TMC1: variants seen among roughly 807,000 people sequenced by gnomAD.
TMC1 encodes the protein transmembrane channel-like protein 1.
TMC1 carries 84 observed loss-of-function variants against 105.8 expected under a neutral mutation model. The ratio of observed to expected loss-of-function variants is 0.79; its 90% CI spans 0.67 to 0.95. The LOEUF (loss-of-function observed/expected upper bound fraction) is 0.95. Ranked by LOEUF, TMC1 falls within the 40% of genes least tolerant of loss-of-function variation. The pLI is 0.00. For synonymous variants in TMC1, 315 were observed against 311.5 expected (o/e 1.01, Z -0.12); for missense variants, 817 against 914.1 (o/e 0.89, Z 1.37).
rs766228632 is a variant in TMC1 at position 72,816,209 on chromosome 9, T to C, written c.1762T>C (p.Trp588Arg). ...TCTGATCTTCAACCAAGGCATGATCTGGTAGGCCAGCTGTTGGACAGCTTA... is the reference window on the plus strand; with the variant it reads ...TCTGATCTTCAACCAAGGCATGATCCGGTAGGCCAGCTGTTGGACAGCTTA... Reference protein sequence around the residue: ...LALIFNQGMIWMGSFFAPSLP... With the variant: ...LALIFNQGMIRMGSFFAPSLP... Residue 588 changes from tryptophan (W) to arginine (R), a missense_variant and splice_region_variant, in exon 19 of 24, where the codon TGG becomes CGG. Transcript: ENST00000297784. 2 of 1,613,494 alleles carry C rather than the reference T, an allele frequency of 1.2e-6. No homozygotes were observed. Among genetic ancestry groups the C allele is most frequent in the Non-Finnish European group, 1.7e-6 (2 of 1,179,456 alleles).
intron 1 of TMC1, among the ~76,000 whole-genome samples, chr9:72,547,977 C>T (rs1823800531): frequency 6.6e-6 from 1 of 152,164 alleles, no homozygotes; most frequent in Non-Finnish European, 1.5e-5. Flanking sequence ...CCTCACATGG[C>T]AGAGAGCAGA....
chr9:72,693,061 AG>A (rs1826492686), intron 6 of TMC1, among the ~76,000 whole-genome samples: 1 of 151,606 alleles, frequency 6.6e-6, no homozygotes, highest in African/African-American at 2.4e-5. Flanking sequence ...TGGAGGTTGC[AG>A]TGAGCCGAGA....
rs545207745 is a variant in TMC1 at position 72,725,688 on chromosome 9, A to T, written c.363-14431A>T. On this transcript the variant is annotated intron_variant, in intron 8 of 23. Coordinates refer to ENST00000297784, the MANE Select transcript of TMC1 (RefSeq NM_138691.3). The stretch of plus-strand genomic sequence containing the variant: ...TCCCCAGCCCACTGACTCAAATGTT[A>T]ATCTCTCTCTCTTTTTTTTTGAGAC... Among the ~76,000 whole-genome samples the T allele has an allele frequency of 4.6e-5, 7 of 151,614 alleles. No homozygotes were observed. In the East Asian group the frequency reaches 1.4e-3, roughly 30 times the overall value.
chr9:72,670,820 A>T (rs550638657), intron 5 of TMC1, among the ~76,000 whole-genome samples: 2 of 152,366 alleles, frequency 1.3e-5, no homozygotes, highest in Non-Finnish European at 2.9e-5. Flanking sequence ...ACATCAAAAC[A>T]TGTATGACAA....
chr9:72,547,315 A>G (rs545172600), intron 1 of TMC1, among the ~76,000 whole-genome samples: 1 of 151,302 alleles, frequency 6.6e-6, no homozygotes, highest in Non-Finnish European at 1.5e-5. Context: ...GGTTAAAAAG[A>G]TGAAATAAAA....
chr9:72,732,603 A>G (rs1425359317), intron 8 of TMC1, among the ~76,000 whole-genome samples: 1 of 151,962 alleles, frequency 6.6e-6, no homozygotes, highest in Non-Finnish European at 1.5e-5. Context: ...TTTGGATAAT[A>G]ACTAAAAGCA....
chr9:72,683,443 A>G (rs1269233055), intron 5 of TMC1, among the ~76,000 whole-genome samples: 2 of 151,894 alleles, frequency 1.3e-5, no homozygotes, highest in African/African-American at 4.8e-5. Flanking sequence ...CAACTGAATG[A>G]CCTTATACCT....
chr9:72,662,091 AT>A (rs1321348020), intron 5 of TMC1, among the ~76,000 whole-genome samples: 2 of 152,176 alleles, frequency 1.3e-5, no homozygotes, highest in East Asian at 3.8e-4. Flanking sequence ...ACTGGGTAAC[AT>A]TTAATAAGCA....
intron 2 of TMC1, among the ~76,000 whole-genome samples, chr9:72,596,539 TAAAAA>T (rs35140344): frequency 1.4e-4 from 14 of 102,270 alleles, no homozygotes; most frequent in Admixed American, 7.5e-4. Flanking sequence ...GTTTCAATTG[TAAAAA>T]AAAAAAAAAA....
intron 2 of TMC1, among the ~76,000 whole-genome samples, chr9:72,613,478 T>C (rs760718824): frequency 1.3e-5 from 2 of 152,168 alleles, no homozygotes; most frequent in Non-Finnish European, 1.5e-5. Context: ...TCGTTAGTCA[T>C]ATTAATCCTC....
rs772213890 is a variant in TMC1, at chr9:72,772,550, C to G, written c.879C>G (p.Leu293=). 1.9e-6 allele frequency: 3 copies of G among 1,613,750 alleles called. No individual in the cohort carries two copies. Among genetic ancestry groups the G allele is most frequent in the Non-Finnish European group, 2.5e-6 (3 of 1,179,750 alleles). Reference sequence around the variant, plus strand: ...TTGGATACAGCTTTCTGGTTGTCCTCAAAGCGTAAGTTTCATTTGTCTTTT... The same window carrying G: ...TTGGATACAGCTTTCTGGTTGTCCTGAAAGCGTAAGTTTCATTTGTCTTTT... ...MCIGYSFLVV[L]KAMTKNIGDD... Residue 293 remains leucine (L), a synonymous_variant, in exon 13 of 24, where the codon CTC becomes CTG. Transcript: ENST00000297784.
chr9:72,528,599 G>C (rs1823446174), intron 1 of TMC1, among the ~76,000 whole-genome samples: 2 of 152,078 alleles, frequency 1.3e-5, no homozygotes, highest in South Asian at 4.1e-4. Context: ...CTCCCAAAGT[G>C]CTAGGGTTAC....
At chr9:72,614,767 G>A (rs1028286799) in intron 2 of TMC1, among the ~76,000 whole-genome samples, 7 of 151,954 alleles carry the variant, frequency 4.6e-5, no homozygotes, top group Non-Finnish European at 7.4e-5. Context: ...TGTAACCACC[G>A]CCTCCCAGGT....
At chr9:72,583,050 G>C (rs932575330) in intron 2 of TMC1, among the ~76,000 whole-genome samples, 1 of 152,058 alleles carries the variant, frequency 6.6e-6, no homozygotes, top group Non-Finnish European at 1.5e-5. Context: ...GTGAAACACT[G>C]TCTCTACTAA....
chr9:72,788,550 T>A, intron 14 of TMC1, 67 bp downstream of exon 14: 1 of 1,527,430 alleles, frequency 6.5e-7, no homozygotes, highest in South Asian at 1.1e-5. Context: ...GCATTCCATC[T>A]GGTCCAGTAG....
At chr9:72,749,825 G>C (rs886748860) in intron 10 of TMC1, among the ~76,000 whole-genome samples, 5 of 151,982 alleles carry the variant, frequency 3.3e-5, no homozygotes, top group African/African-American at 1.2e-4. Context: ...AATAGACAAA[G>C]GGGCCAGGTG....
Position 72,699,717 on chromosome 9 carries a change from G to A in TMC1, c.237-801G>A, listed in dbSNP as rs560762613. On this transcript the variant is annotated intron_variant, in intron 7 of 23. Transcript: ENST00000297784. ...CACACCTGTAATCCCAGCACATTGG[G>A]AGGCCGGGGAGGGTGGATCACCTGA... Among the ~76,000 whole-genome samples, 15 of 152,244 alleles carry A rather than the reference G, an allele frequency of 9.9e-5. No individual in the cohort carries two copies. The South Asian group carries it at 3.1e-3, about 32-fold the overall frequency.
At chr9:72,769,648 A>G (rs1236466747) in intron 12 of TMC1, among the ~76,000 whole-genome samples, 1 of 152,242 alleles carries the variant, frequency 6.6e-6, no homozygotes, top group East Asian at 1.9e-4. Flanking sequence ...CGATTACCCT[A>G]GTAGCAGCAA....
chr9:72,562,399 A>G (rs2132080720), intron 1 of TMC1, among the ~76,000 whole-genome samples: 1 of 152,310 alleles, frequency 6.6e-6, no homozygotes, highest in African/African-American at 2.4e-5. Context: ...TATGTAATTT[A>G]CATTTTTACA....
Sources: allele counts gnomAD v4.1 joint callset (sites outside exome capture counted in the v4.1 genomes callset), GRCh38; gene constraint gnomAD v4.1.1; transcripts MANE v1.5; gene names NCBI Gene and HGNC (gene_info 2026-07-23, HGNC 2026-07-21).